EVC: variants seen among roughly 807,000 people sequenced by gnomAD.
EVC encodes the protein EvC ciliary complex subunit 1.
Under a neutral mutation model 118.9 loss-of-function variants are expected in EVC, and 116 were observed. The observed-to-expected ratio is 0.98, with a 90% CI of 0.84 to 1.14. The LOEUF is 1.14. Among genes scored for constraint, EVC ranks in the 50% most tolerant of loss-of-function variants. The probability of loss-of-function intolerance (pLI) is 0.00; values close to 1 mark genes in which losing one functional copy is unlikely to be tolerated. For synonymous variants in EVC, 619 were observed against 534.7 expected (o/e 1.16, Z -2.18); for missense variants, 1,401 against 1,246.4 (o/e 1.12, Z -1.87).
At chr4:5,827,652 A>T in the EVC span, among the ~76,000 whole-genome samples, 1 of 151,856 alleles carries the variant, frequency 6.6e-6, no homozygotes, top group Non-Finnish European at 1.5e-5. Context: ...ACGCACACAC[A>T]TCCCCATATG....
At chr4:5,711,601 G>T (rs1723035668) in intron 1 of EVC, 47 bp downstream of exon 1, 2 of 1,155,544 alleles carry the variant, frequency 1.7e-6, no homozygotes, top group Admixed American at 4.7e-5. Context: ...CGCGGGGCGC[G>T]TGGCTTCTGG....
Position 5,797,021 on chromosome 4 carries a change from G to C in EVC, c.1887-1G>C, listed in dbSNP as rs1714085525. On this transcript the variant is annotated splice_acceptor_variant, in intron 13 of 20. Transcript: ENST00000264956. LOFTEE classifies it high-confidence loss of function. The stretch of plus-strand genomic sequence containing the variant: ...CCACCCCTCACCTGCTTTCCTCAAA[G>C]GTCCACGCGGTGTGTCCTGCAGGGG... 6.2e-7 allele frequency: 1 copy of C among 1,611,578 alleles called. No individual in the cohort carries two copies. Among genetic ancestry groups the C allele is most frequent in the East Asian group, 2.2e-5 (1 of 44,856 alleles).
rs557301843 is a variant in EVC at position 5,756,421 on chromosome 4, C to T, written c.1563+59C>T. ...CCCAGGGTCTGTGTGTGTGCGAGAA[C>T]CTCACATCCTCCTGGCTGGGGACCC... is the stretch of plus-strand genomic sequence containing the variant. On this transcript the variant is annotated intron_variant, in intron 11 of 20. Transcript: ENST00000264956. This position sits in a 1 kb window ranked among gnomAD's most constrained non-coding sequence, Gnocchi z 4.2. 3 of 1,421,292 alleles carry T rather than the reference C, an allele frequency of 2.1e-6. No individual in the cohort carries two copies. The highest frequency in any genetic ancestry group is 3.9e-5 in the Admixed American group (2 of 51,516). The allele number at this position is 1,421,292 out of a possible 1,614,324, so 88.0% of individuals were successfully genotyped here.
intron 11 of EVC, among the ~76,000 whole-genome samples, chr4:5,780,118 G>C (rs563742507): frequency 1.2e-4 from 18 of 152,230 alleles, no homozygotes; most frequent in East Asian, 3.9e-4. Context: ...TTTTGTCTTT[G>C]GTTCTGTTTA....
chr4:5,800,445 G>A (rs1714760984), intron 15 of EVC, among the ~76,000 whole-genome samples: 1 of 150,912 alleles, frequency 6.6e-6, no homozygotes, highest in Non-Finnish European at 1.5e-5. Flanking sequence ...TGGAACACTA[G>A]TGCAAATGTG....
At chr4:5,766,448 C>A (rs1359509630) in intron 11 of EVC, among the ~76,000 whole-genome samples, 1 of 128,016 alleles carries the variant, frequency 7.8e-6, no homozygotes, top group Non-Finnish European at 1.6e-5. Flanking sequence ...TGAATGTTGG[C>A]CTGCCTTGCT....
intron 12 of EVC, among the ~76,000 whole-genome samples, chr4:5,785,757 A>G (rs1736324074): frequency 6.6e-6 from 1 of 152,242 alleles, no homozygotes; most frequent in Admixed American, 6.5e-5. Flanking sequence ...AACTTGTAGC[A>G]TTTCCAGCAA....
At position 5,731,322 on chromosome 4, in the gene EVC, C is replaced by A; in HGVS notation, c.385-103C>A. ...CCTGGCCAGTCTCCTCCAGGCAGAC[C>A]TTCCTGTGAGCGGCTAGCGTGAATC... is the stretch of plus-strand genomic sequence containing the variant. On this transcript the variant is annotated intron_variant, in intron 3 of 20. Transcript: ENST00000264956. The surrounding 1 kb of genome is among the most constrained non-coding windows in gnomAD (Gnocchi z 5.6). 1 of 1,039,066 alleles carries A rather than the reference C, an allele frequency of 9.6e-7. No individual in the cohort carries two copies. The highest frequency in any genetic ancestry group is 1.5e-6 in the Non-Finnish European group (1 of 657,080). 64.4% of individuals were successfully genotyped at this position (1,039,066 alleles called of 1,614,324 possible). A position where few individuals can be genotyped will look rare whatever the true frequency, so the allele number is the denominator to read the frequency against.
At chr4:5,825,363 TG>T in the EVC span, 1 of 1,433,332 alleles carries the variant, frequency 7.0e-7, no homozygotes. This position sits in a 1 kb window ranked among gnomAD's most constrained non-coding sequence, Gnocchi z 4.4. Flanking sequence ...CAGGCTCGGG[TG>T]GGGCACACTC....
At position 5,756,086 on chromosome 4, in the gene EVC, C is replaced by G. The variant is rs1731124027; in HGVS notation, c.1465-178C>G. Among the ~76,000 whole-genome samples, 1 of 152,182 alleles carries G rather than the reference C, an allele frequency of 6.6e-6. No homozygotes were observed. The highest frequency in any genetic ancestry group is 1.5e-5 in the Non-Finnish European group (1 of 68,038). On this transcript the variant is annotated intron_variant, in intron 10 of 20. Transcript: ENST00000264956. The surrounding 1 kb of genome is among the most constrained non-coding windows in gnomAD (Gnocchi z 4.2). Reference sequence around the variant, plus strand: ...TTCCTGGAAATCGGATTTGCTGACCCTGGCATCAGCTGTGAAAGCCATGTG... The same window carrying G: ...TTCCTGGAAATCGGATTTGCTGACCGTGGCATCAGCTGTGAAAGCCATGTG...
chr4:5,767,772 G>A (rs927948062), intron 11 of EVC, among the ~76,000 whole-genome samples: 141 of 152,282 alleles, frequency 9.3e-4, no homozygotes, highest in Non-Finnish European at 1.4e-3. Context: ...CACATGGTGC[G>A]CTGCACCCAC....
chr4:5,773,595 A>G (rs1248681909), intron 11 of EVC, among the ~76,000 whole-genome samples: 3 of 152,076 alleles, frequency 2.0e-5, no homozygotes, highest in Non-Finnish European at 4.4e-5. Flanking sequence ...GGGTGCCGGG[A>G]GAGAGACTGG....
At chr4:5,803,920 C>T (rs1289693377) in intron 16 of EVC, among the ~76,000 whole-genome samples, 1 of 148,674 alleles carries the variant, frequency 6.7e-6, no homozygotes, top group Non-Finnish European at 1.5e-5. Context: ...CTAAACCATG[C>T]CTGTCTCAGG....
rs1431991515 is a variant in EVC at position 5,811,994 on chromosome 4, C to T, written c.*957C>T. On this transcript the variant is annotated 3_prime_UTR_variant, in exon 21 of 21. Coordinates refer to ENST00000264956, the MANE Select transcript of EVC (RefSeq NM_153717.3). ...CTCACACACCACAGCCAGGAGAGGC[C>T]TTTCCCACCTGGACAGAAACTTCCA... is the stretch of plus-strand genomic sequence containing the variant. 3.1e-5 allele frequency: 5 copies of T among 159,624 alleles called. No individual in the cohort carries two copies. The Admixed American group carries it at 3.3e-4, about 11-fold the overall frequency. The allele number at this position is 159,624 out of a possible 1,614,324, so 9.9% of individuals were successfully genotyped here. A position where few individuals can be genotyped will look rare whatever the true frequency, so the allele number is the denominator to read the frequency against.
intron 1 of EVC, among the ~76,000 whole-genome samples, chr4:5,716,582 G>C (rs1209128518): frequency 6.6e-6 from 1 of 152,112 alleles, no homozygotes; most frequent in East Asian, 1.9e-4. Context: ...CCATTGGATG[G>C]GGGTCCAGGT....
rs571126131 is a variant in EVC at position 5,798,823 on chromosome 4, C to T, written c.2304+31C>T. The T allele has an allele frequency of 8.8e-6, 14 of 1,595,936 alleles. No homozygotes were observed. The highest frequency in any genetic ancestry group is 2.2e-4 in the Middle Eastern group (1 of 4,446). ...CACTGACCTCTGTCCCTGGGGACAC[C>T]GAGGGCAAGAATGTTCAGGGTAGGG... On this transcript the variant is annotated intron_variant, in intron 15 of 20. Transcript: ENST00000264956. The surrounding 1 kb of genome is among the most constrained non-coding windows in gnomAD (Gnocchi z 4.1).
At position 5,753,714 on chromosome 4, in the gene EVC, A is replaced by G. The variant is rs935677754; in HGVS notation, c.1316-71A>G. 1.4e-5 allele frequency: 22 copies of G among 1,596,708 alleles called. No individual in the cohort carries two copies. The Admixed American group carries it at 3.2e-4, about 23-fold the overall frequency. On this transcript the variant is annotated intron_variant, in intron 9 of 20. Coordinates refer to ENST00000264956, the MANE Select transcript of EVC (RefSeq NM_153717.3). ...CTTCCCCAACCTCCAGACAGGAGAAAGCATGAGGGTCCCCACTGAAATTCT... is the reference window on the plus strand; with the variant it reads ...CTTCCCCAACCTCCAGACAGGAGAAGGCATGAGGGTCCCCACTGAAATTCT...
the EVC span, chr4:5,821,452 G>A: frequency 1.0e-5 from 4 of 382,430 alleles, no homozygotes; most frequent in East Asian, 1.2e-4. The surrounding 1 kb of genome is among the most constrained non-coding windows in gnomAD (Gnocchi z 4.4). Flanking sequence ...CATGGAGCCA[G>A]TGGAGTTAGA....
At chr4:5,759,918 C>T (rs956034216) in intron 11 of EVC, among the ~76,000 whole-genome samples, 3 of 152,056 alleles carry the variant, frequency 2.0e-5, no homozygotes, top group Admixed American at 6.5e-5. Context: ...AGACATCAAT[C>T]GGTACATGTA....
Sources: allele counts gnomAD v4.1 joint callset (sites outside exome capture counted in the v4.1 genomes callset), GRCh38; gene constraint gnomAD v4.1.1; non-coding constraint Gnocchi (gnomAD v3.1); transcripts MANE v1.5; gene names NCBI Gene and HGNC (gene_info 2026-07-23, HGNC 2026-07-21).